TMEM135: variants seen among roughly 807,000 people sequenced by gnomAD.
The protein encoded by TMEM135 is peroxisomal membrane protein 52.
In TMEM135, 30 loss-of-function variants were observed where a neutral mutation model predicts 60.3. That is an observed-to-expected ratio of 0.50 (90% CI 0.37 to 0.68). The LOEUF is 0.68. TMEM135 is among the 30% of genes least tolerant of loss of function. The pLI is 0.00. For synonymous variants in TMEM135, 190 were observed against 186.7 expected (o/e 1.02, Z -0.14); for missense variants, 468 against 548.8 (o/e 0.85, Z 1.47).
At chr11:87,139,504 T>A (rs1429622390) in intron 4 of TMEM135, among the ~76,000 whole-genome samples, 1 of 152,176 alleles carries the variant, frequency 6.6e-6, no homozygotes, top group Non-Finnish European at 1.5e-5. Flanking sequence ...TCACTAAAAT[T>A]TTGGCTTTTC....
chr11:87,208,159 C>A (rs1458446064), intron 5 of TMEM135, among the ~76,000 whole-genome samples: 1 of 152,152 alleles, frequency 6.6e-6, no homozygotes, highest in African/African-American at 2.4e-5. Flanking sequence ...TCTGGAAGCT[C>A]TAAAAGCAGA....
At chr11:87,290,813 C>A (rs1294973348) in intron 6 of TMEM135, among the ~76,000 whole-genome samples, 1 of 152,222 alleles carries the variant, frequency 6.6e-6, no homozygotes, top group East Asian at 1.9e-4. Flanking sequence ...AGTGCAGAAC[C>A]TTGCAAGTAG....
At chr11:87,076,206 A>G (rs73517302) in intron 3 of TMEM135, among the ~76,000 whole-genome samples, 14,449 of 152,182 alleles carry the variant, frequency 0.095, 720 homozygotes, top group African/African-American at 0.1. Context: ...AGTTTGCCTG[A>G]TATTCTTTTC....
At position 87,106,253 on chromosome 11, in the gene TMEM135, G is replaced by A. The variant is rs1857593523; in HGVS notation, c.396+14858G>A. ...TGAGTAGCTGGGAATAGAGGTGCCT[G>A]CCACAACGCCTGACTACTTTTTGTA... On this transcript the variant is annotated intron_variant, in intron 4 of 14. Coordinates refer to ENST00000305494, the MANE Select transcript of TMEM135 (RefSeq NM_022918.4). Among the ~76,000 whole-genome samples the A allele has an allele frequency of 2.0e-5, 3 of 152,050 alleles. No individual in the cohort carries two copies. The South Asian group carries it at 6.3e-4, about 32-fold the overall frequency.
intron 6 of TMEM135, among the ~76,000 whole-genome samples, chr11:87,275,889 T>G (rs1941957582): frequency 6.6e-6 from 1 of 152,064 alleles, no homozygotes; most frequent in South Asian, 2.1e-4. Context: ...CTTGAACTCC[T>G]GACCTCAGGT....
chr11:87,096,156 CT>C, intron 4 of TMEM135: 1 of 298,664 alleles, frequency 3.3e-6, no homozygotes, highest in South Asian at 3.7e-5. Context: ...TGAAACAGGA[CT>C]ACTACTTGGA....
intron 6 of TMEM135, among the ~76,000 whole-genome samples, chr11:87,257,726 G>A (rs767005430): frequency 6.6e-5 from 10 of 152,150 alleles, no homozygotes; most frequent in African/African-American, 1.2e-4. Flanking sequence ...AGTTGGGAGT[G>A]TAGGGAATGA....
intron 6 of TMEM135, among the ~76,000 whole-genome samples, chr11:87,276,915 G>A (rs893985548): frequency 5.3e-5 from 8 of 151,284 alleles, no homozygotes; most frequent in Non-Finnish European, 1.0e-4. Context: ...CAGTTGGTCC[G>A]CCTGCCTCGG....
intron 1 of TMEM135, among the ~76,000 whole-genome samples, chr11:87,060,032 T>G (rs1017734014): frequency 1.1e-4 from 17 of 152,266 alleles, no homozygotes; most frequent in African/African-American, 3.9e-4. Flanking sequence ...GAGAATCGCT[T>G]GAACCGGGAG....
At chr11:87,047,521 GGAGTTCCCTTTCC>G (rs748720466) in intron 1 of TMEM135, among the ~76,000 whole-genome samples, 1 of 149,932 alleles carries the variant, frequency 6.7e-6, no homozygotes. Flanking sequence ...AAGGGGTCAG[GGAGTTCCCTTTCC>G]GAGTCAAAGA....
At chr11:87,241,591 A>T (rs562678764) in intron 6 of TMEM135, among the ~76,000 whole-genome samples, 1 of 152,098 alleles carries the variant, frequency 6.6e-6, no homozygotes, top group Non-Finnish European at 1.5e-5. Flanking sequence ...ATCAAATAGT[A>T]GTTCTTATTC....
At chr11:87,319,731 G>A (rs777823155) in intron 14 of TMEM135, among the ~76,000 whole-genome samples, 2 of 152,036 alleles carry the variant, frequency 1.3e-5, no homozygotes, top group Non-Finnish European at 2.9e-5. Context: ...TTTCCATTTT[G>A]GAAATAGTCA....
intron 6 of TMEM135, among the ~76,000 whole-genome samples, chr11:87,291,708 A>G (rs933755573): frequency 5.9e-5 from 9 of 151,378 alleles, no homozygotes; most frequent in Non-Finnish European, 7.4e-5. Context: ...ACGCCCGGCT[A>G]ATTTTTGTGT....
chr11:87,201,289 C>T (rs1940089460), intron 5 of TMEM135, among the ~76,000 whole-genome samples: 1 of 152,090 alleles, frequency 6.6e-6, no homozygotes, highest in Non-Finnish European at 1.5e-5. Context: ...TTAAGTACAA[C>T]TTAATTTTCA....
At chr11:87,040,378 G>A (rs964192190) in intron 1 of TMEM135, among the ~76,000 whole-genome samples, 12 of 152,150 alleles carry the variant, frequency 7.9e-5, no homozygotes, top group African/African-American at 2.9e-4. Flanking sequence ...AAGTGATCAG[G>A]CCAGGTGCAG....
chr11:87,245,220 T>C (rs1941238173), intron 6 of TMEM135, among the ~76,000 whole-genome samples: 1 of 151,706 alleles, frequency 6.6e-6, no homozygotes. Flanking sequence ...GAGAGACAGT[T>C]GGTTATAATT....
chr11:87,311,009 T>C (rs1942631367), intron 10 of TMEM135, among the ~76,000 whole-genome samples: 1 of 151,692 alleles, frequency 6.6e-6, no homozygotes, highest in Non-Finnish European at 1.5e-5. Flanking sequence ...ATTATAAATA[T>C]ATATTTTATT....
intron 6 of TMEM135, among the ~76,000 whole-genome samples, chr11:87,252,793 T>A (rs201923278): frequency 0.13 from 11,423 of 87,550 alleles, 538 homozygotes; most frequent in African/African-American, 0.23. Flanking sequence ...AAAATTAAAA[T>A]ATATATGTGT....
intron 6 of TMEM135, among the ~76,000 whole-genome samples, chr11:87,267,379 CA>C (rs573732319): frequency 7.2e-5 from 11 of 152,168 alleles, no homozygotes; most frequent in African/African-American, 2.6e-4. Flanking sequence ...TTCTTTTACA[CA>C]AGATAAGCAT....
Sources: allele counts gnomAD v4.1 joint callset (sites outside exome capture counted in the v4.1 genomes callset), GRCh38; gene constraint gnomAD v4.1.1; transcripts MANE v1.5; gene names NCBI Gene and HGNC (gene_info 2026-07-23, HGNC 2026-07-21).